Variants in MAP2K5 observed in about 807,000 individuals in gnomAD.
MAP2K5 encodes mitogen-activated protein kinase kinase 5.
MAP2K5 carries 49 observed loss-of-function variants against 83.1 expected under a neutral mutation model. The observed-to-expected ratio is 0.59, with a 90% CI of 0.47 to 0.75. The LOEUF (loss-of-function observed/expected upper bound fraction) is 0.75. Among genes scored for constraint, MAP2K5 ranks in the 30% least tolerant of loss-of-function variants. The pLI is 0.00. For missense variants in MAP2K5, 457 were observed against 557.5 expected, an observed-to-expected ratio of 0.82 and a Z score of 1.82; for synonymous variants, 202 against 191.8, an observed-to-expected ratio of 1.05 and a Z score of -0.44.
At chr15:67,735,213 G>T (rs922823617) in intron 17 of MAP2K5, among the ~76,000 whole-genome samples, 5 of 152,198 alleles carry the variant, frequency 3.3e-5, no homozygotes, top group African/African-American at 1.2e-4. Flanking sequence ...GAAACAGGAG[G>T]TGGGTTCCTA....
Position 67,562,912 on chromosome 15 carries a change from G to T in MAP2K5, c.185-371G>T, listed in dbSNP as rs2084765245. On this transcript the variant is annotated intron_variant, in intron 2 of 21. Coordinates refer to ENST00000178640, the MANE Select transcript of MAP2K5 (RefSeq NM_145160.3). This position sits in a 1 kb window ranked among gnomAD's most constrained non-coding sequence, Gnocchi z 4.1. ...GGAGAGAGGAAGAATGGAGAAATCGGGGTATGGTGCTGTTTGGGAGATTTA... is the reference window on the plus strand; with the variant it reads ...GGAGAGAGGAAGAATGGAGAAATCGTGGTATGGTGCTGTTTGGGAGATTTA... 6.6e-6 allele frequency among the ~76,000 whole-genome samples: 1 copy of T among 152,082 alleles called. No homozygotes were observed. Among genetic ancestry groups the T allele is most frequent in the African/African-American group, 2.4e-5 (1 of 41,390 alleles).
At chr15:67,595,747 A>C (rs2085510516) in intron 7 of MAP2K5, among the ~76,000 whole-genome samples, 1 of 152,166 alleles carries the variant, frequency 6.6e-6, no homozygotes, top group East Asian at 1.9e-4. Flanking sequence ...AATAAATCAG[A>C]AGATATTTTT....
At chr15:67,554,979 G>C in intron 2 of MAP2K5, among the ~76,000 whole-genome samples, 1 of 151,970 alleles carries the variant, frequency 6.6e-6, no homozygotes, top group East Asian at 1.9e-4. Flanking sequence ...GACCCAAGGG[G>C]GTCAAACCTG....
intron 8 of MAP2K5, among the ~76,000 whole-genome samples, chr15:67,603,950 C>T (rs1281388603): frequency 6.6e-6 from 1 of 152,142 alleles, no homozygotes; most frequent in Non-Finnish European, 1.5e-5. Flanking sequence ...TGTAATAAAG[C>T]TAATAAGTGC....
At chr15:67,710,701 G>A (rs3784696) in intron 16 of MAP2K5, among the ~76,000 whole-genome samples, 126,807 of 151,796 alleles carry the variant, frequency 0.84, 53,037 homozygotes, top group Admixed American at 0.88. Context: ...ATGGGGTTTC[G>A]CCATGTTGGC....
chr15:67,701,813 A>G (rs1339946674), intron 15 of MAP2K5, among the ~76,000 whole-genome samples: 1 of 152,236 alleles, frequency 6.6e-6, no homozygotes, highest in Admixed American at 6.5e-5. Context: ...ACATTGAGAA[A>G]TACTGACCAG....
chr15:67,575,043 G>A (rs1455361603), intron 3 of MAP2K5, among the ~76,000 whole-genome samples: 2 of 152,132 alleles, frequency 1.3e-5, no homozygotes, highest in African/African-American at 2.4e-5. Flanking sequence ...TCTAGGGTCT[G>A]ATAGGGGATA....
intron 8 of MAP2K5, among the ~76,000 whole-genome samples, chr15:67,621,087 TGAAAG>T (rs2086173840): frequency 6.6e-6 from 1 of 151,978 alleles, no homozygotes. Flanking sequence ...ACAGCAAAAT[TGAAAG>T]GAAAAGGGTA....
At chr15:67,752,998 A>T (rs2089756471) in intron 19 of MAP2K5, among the ~76,000 whole-genome samples, 1 of 152,222 alleles carries the variant, frequency 6.6e-6, no homozygotes, top group Non-Finnish European at 1.5e-5. Context: ...GTGGTATAGG[A>T]TAGACATACG....
intron 17 of MAP2K5, among the ~76,000 whole-genome samples, chr15:67,739,633 A>G (rs865965167): frequency 6.6e-6 from 1 of 150,998 alleles, no homozygotes; most frequent in Non-Finnish European, 1.5e-5. Context: ...GGCATGTGCC[A>G]CCACACCTGG....
chr15:67,713,145 T>C (rs1051523970), intron 16 of MAP2K5, among the ~76,000 whole-genome samples: 29 of 152,108 alleles, frequency 1.9e-4, no homozygotes, highest in African/African-American at 5.3e-4. Context: ...TCATTTTTTT[T>C]CCCCAAATGA....
chr15:67,704,543 T>G (rs2088503980), intron 16 of MAP2K5, among the ~76,000 whole-genome samples: 1 of 152,246 alleles, frequency 6.6e-6, no homozygotes, highest in South Asian at 2.1e-4. Flanking sequence ...GGAAATAATC[T>G]TCAAACTCAA....
intron 13 of MAP2K5, among the ~76,000 whole-genome samples, chr15:67,671,344 G>C (rs2141166675): frequency 6.6e-6 from 1 of 152,212 alleles, no homozygotes; most frequent in South Asian, 2.1e-4. Flanking sequence ...CACTGTTCTA[G>C]GTGCTTAATG....
At chr15:67,624,338 C>CAAAAAAAAA (rs755739176) in intron 8 of MAP2K5, among the ~76,000 whole-genome samples, 1 of 78,310 alleles carries the variant, frequency 1.3e-5, no homozygotes, top group African/African-American at 5.3e-5. Context: ...GACTCCGTCT[C>CAAAAAAAAA]AAAAAAAAAA....
intron 19 of MAP2K5, among the ~76,000 whole-genome samples, chr15:67,761,332 A>T (rs1258101221): frequency 1.3e-5 from 2 of 152,168 alleles, no homozygotes; most frequent in African/African-American, 4.8e-5. Flanking sequence ...ACCAGCTTTA[A>T]ATTCCCTTCT....
chr15:67,700,387 AAG>A (rs1370349325), intron 15 of MAP2K5, among the ~76,000 whole-genome samples: 1 of 152,228 alleles, frequency 6.6e-6, no homozygotes, highest in Non-Finnish European at 1.5e-5. Context: ...TGTTTTAGAC[AAG>A]AGTCATGTTT....
intron 19 of MAP2K5, among the ~76,000 whole-genome samples, chr15:67,759,241 C>G (rs988172912): frequency 3.3e-5 from 5 of 151,974 alleles, no homozygotes; most frequent in Non-Finnish European, 5.9e-5. Flanking sequence ...GAATGATTGC[C>G]TAATAATACC....
chr15:67,644,443 T>C lies in MAP2K5; in HGVS notation c.586-1788T>C, dbSNP rs1159118829. 6.6e-6 allele frequency among the ~76,000 whole-genome samples: 1 copy of C among 152,120 alleles called. No individual in the cohort carries two copies. Among genetic ancestry groups the C allele is most frequent in the Non-Finnish European group, 1.5e-5 (1 of 68,026 alleles). On this transcript the variant is annotated intron_variant, in intron 9 of 21. Transcript: ENST00000178640. The surrounding 1 kb of genome is among the most constrained non-coding windows in gnomAD (Gnocchi z 4.6). ...ACAATTACTCTTGAATTAGTTTCACTGACATGCTTAGTAGAATTTGAACAG... is the reference window on the plus strand; with the variant it reads ...ACAATTACTCTTGAATTAGTTTCACCGACATGCTTAGTAGAATTTGAACAG...
In MAP2K5 at chr15:67,562,640, G is replaced by A. The variant is rs960189623; in HGVS notation, c.185-643G>A. Among the ~76,000 whole-genome samples the A allele has an allele frequency of 1.3e-5, 2 of 152,178 alleles. No individual in the cohort carries two copies. The highest frequency in any genetic ancestry group is 3.9e-4 in the East Asian group (2 of 5,188). ...GTATGCAAAACAAGTGAAACTGTTCGGAAAAAGAGCTGCTAAATAGAATGG... is the reference window on the plus strand; with the variant it reads ...GTATGCAAAACAAGTGAAACTGTTCAGAAAAAGAGCTGCTAAATAGAATGG... On this transcript the variant is annotated intron_variant, in intron 2 of 21. Coordinates refer to ENST00000178640, the MANE Select transcript of MAP2K5 (RefSeq NM_145160.3). This position sits in a 1 kb window ranked among gnomAD's most constrained non-coding sequence, Gnocchi z 4.1.
Sources: allele counts gnomAD v4.1 joint callset (sites outside exome capture counted in the v4.1 genomes callset), GRCh38; gene constraint gnomAD v4.1.1; non-coding constraint Gnocchi (gnomAD v3.1); transcripts MANE v1.5; gene names NCBI Gene and HGNC (gene_info 2026-07-23, HGNC 2026-07-21).